The following CELF2 variants were observed in gnomAD, a reference collection of about 807,000 sequenced individuals.
The protein encoded by CELF2 is CUG triplet repeat RNA-binding protein 2.
CELF2 carries 8 observed loss-of-function variants against 62.6 expected under a neutral mutation model. The observed-to-expected ratio is 0.13, with a 90% CI of 0.07 to 0.23. The LOEUF is 0.23. Among genes scored for constraint, CELF2 ranks in the 10% least tolerant of loss-of-function variants. The probability of loss-of-function intolerance (pLI) is 1.00; values close to 1 mark genes in which losing one functional copy is unlikely to be tolerated. For missense variants in CELF2, 333 were observed against 671.0 expected (o/e 0.50, Z 5.56); for synonymous variants, 258 against 250.0 (o/e 1.03, Z -0.30).
chr10:10,681,572 A>G, the CELF2 span, among the ~76,000 whole-genome samples: 1 of 152,178 alleles, frequency 6.6e-6, no homozygotes. Context: ...TGAAATTTTA[A>G]TTTCATAAAA....
chr10:11,197,052 A>AGAAAGAGAGAAGGAAAGAGAGAAG lies in CELF2; in HGVS notation c.272-20367_272-20366insGAGAAGGAAAGAGAGAAGGAAAGA, dbSNP rs2058027960. The stretch of plus-strand genomic sequence containing the variant: ...AAGAAAGAAAGAAAGAAAGAAAGAA[A>AGAAAGAGAGAAGGAAAGAGAGAAG]GAAAGAAAAGAAAGAAAGGAAAGAA... On this transcript the variant is annotated intron_variant, in intron 2 of 12. Coordinates refer to ENST00000633077, the MANE Select transcript of CELF2 (RefSeq NM_001326342.2). 5.7e-4 allele frequency among the ~76,000 whole-genome samples: 18 copies of AGAAAGAGAGAAGGAAAGAGAGAAG among 31,688 alleles called. 1 individual carries two copies. Among genetic ancestry groups the AGAAAGAGAGAAGGAAAGAGAGAAG allele is most frequent in the African/African-American group, 2.2e-3 (17 of 7,830 alleles). 20.8% of individuals were successfully genotyped at this position (31,688 alleles called of 152,430 possible). A position where few individuals can be genotyped will look rare whatever the true frequency, so the allele number is the denominator to read the frequency against.
At chr10:10,489,260 A>G in the CELF2 span, among the ~76,000 whole-genome samples, 1 of 152,150 alleles carries the variant, frequency 6.6e-6, no homozygotes. Flanking sequence ...GATTTTTCTT[A>G]GAGAGTCCAG....
At chr10:10,932,170 G>A (rs544530081) in intron 2 of CELF2, among the ~76,000 whole-genome samples, 11 of 152,226 alleles carry the variant, frequency 7.2e-5, no homozygotes, top group East Asian at 1.9e-4. Flanking sequence ...TACAAGGTAC[G>A]ATGATCCCTG....
chr10:11,286,364 G>A (rs1347385818), intron 8 of CELF2, among the ~76,000 whole-genome samples: 2 of 152,234 alleles, frequency 1.3e-5, no homozygotes, highest in African/African-American at 2.4e-5. Flanking sequence ...GTTCTTGTGT[G>A]CTCAGCCATA....
At position 10,905,298 on chromosome 10, in the gene CELF2, A is replaced by G. The variant is rs189198619; in HGVS notation, c.54-14666A>G. On this transcript the variant is annotated intron_variant, in intron 1 of 13. Coordinates refer to the CELF2 transcript ENST00000636488. ...ATTGAGAGTATTTTTAGTAACAGCA[A>G]TTTTTCAGTATATTCGTATCTTTGT... 1.4e-3 allele frequency among the ~76,000 whole-genome samples: 219 copies of G among 152,322 alleles called. 1 individual carries two copies. The highest frequency in any genetic ancestry group is 2.7e-3 in the Non-Finnish European group (187 of 68,014).
intron 2 of CELF2, among the ~76,000 whole-genome samples, chr10:10,994,673 A>C (rs2053768033): frequency 6.6e-6 from 1 of 152,170 alleles, no homozygotes; most frequent in Non-Finnish European, 1.5e-5. Context: ...TGAGAGTCTA[A>C]TGCCTGATGA....
intron 1 of CELF2, among the ~76,000 whole-genome samples, chr10:11,045,728 G>A (rs191509928): frequency 5.6e-4 from 86 of 152,272 alleles, no homozygotes; most frequent in Admixed American, 8.5e-4. Context: ...TTTCCCCAGA[G>A]CTGTACATCA....
chr10:11,277,649 A>G (rs2086649211), intron 8 of CELF2, among the ~76,000 whole-genome samples: 1 of 152,288 alleles, frequency 6.6e-6, no homozygotes, highest in Non-Finnish European at 1.5e-5. Flanking sequence ...AGCAATATGT[A>G]TAAACCAAAG....
rs71378788 is a variant in CELF2 at position 11,285,826 on chromosome 10, GGTGTGTGT to G, written c.842-2547_842-2540del. Among the ~76,000 whole-genome samples, 10,289 of 128,608 alleles carry G rather than the reference GGTGTGTGT, an allele frequency of 0.08. 401 individuals carry two copies. Among genetic ancestry groups the G allele is most frequent in the Non-Finnish European group, 0.086 (5,295 of 61,436 alleles). 84.4% of individuals were successfully genotyped at this position (128,608 alleles called of 152,430 possible). On this transcript the variant is annotated intron_variant, in intron 8 of 12. Transcript: ENST00000633077. The surrounding 1 kb of genome is among the most constrained non-coding windows in gnomAD (Gnocchi z 4.3). ...TTGCTCATCACCTACTATATATATT[GGTGTGTGT>G]GTGTGTGTGTGTGTGTGTGTGTGTG...
intron 1 of CELF2, among the ~76,000 whole-genome samples, chr10:10,889,682 T>C (rs2061998915): frequency 6.6e-6 from 1 of 152,194 alleles, no homozygotes; most frequent in South Asian, 2.1e-4. Flanking sequence ...GGCACTGGTA[T>C]TAAGAACTTA....
At chr10:11,158,483 A>G (rs2065011369) in intron 1 of CELF2, among the ~76,000 whole-genome samples, 1 of 152,006 alleles carries the variant, frequency 6.6e-6, no homozygotes, top group Non-Finnish European at 1.5e-5. Context: ...CCTGAAGTCC[A>G]CTGAACTATT....
the CELF2 span, among the ~76,000 whole-genome samples, chr10:10,730,175 G>A: frequency 1.3e-5 from 2 of 151,992 alleles, no homozygotes; most frequent in African/African-American, 2.4e-5. Context: ...CCAACATTGG[G>A]AATAAAAAGT....
At chr10:10,641,467 T>C in the CELF2 span, among the ~76,000 whole-genome samples, 2 of 152,062 alleles carry the variant, frequency 1.3e-5, no homozygotes, top group Admixed American at 1.3e-4. Context: ...TGAGACAAAG[T>C]TTTGTTCTTC....
intron 1 of CELF2, among the ~76,000 whole-genome samples, chr10:11,068,672 T>C (rs2140885392): frequency 6.6e-6 from 1 of 152,204 alleles, no homozygotes; most frequent in South Asian, 2.1e-4. Context: ...GCCATTCTCC[T>C]GCCTCAGCCT....
At chr10:11,266,788 C>G in intron 6 of CELF2, 111 bp downstream of exon 6, 1 of 736,586 alleles carries the variant, frequency 1.4e-6, no homozygotes, top group South Asian at 2.1e-5. Flanking sequence ...TGTAAACTTT[C>G]ACCATCTCAG....
intron 1 of CELF2, among the ~76,000 whole-genome samples, chr10:11,080,968 A>G (rs1478472301): frequency 6.6e-6 from 1 of 152,196 alleles, no homozygotes; most frequent in Non-Finnish European, 1.5e-5. Flanking sequence ...GCCCAGTGAG[A>G]TGAATTAGTC....
intron 1 of CELF2, among the ~76,000 whole-genome samples, chr10:11,067,230 C>A (rs543787306): frequency 6.6e-6 from 1 of 152,060 alleles, no homozygotes; most frequent in African/African-American, 2.4e-5. Context: ...TGTAAGAGTA[C>A]GTAAATGTGT....
chr10:11,262,945 T>A (rs2081148744), intron 5 of CELF2, among the ~76,000 whole-genome samples: 1 of 88,374 alleles, frequency 1.1e-5, no homozygotes, highest in East Asian at 2.6e-4. Flanking sequence ...CTTTACTTTT[T>A]TTTTTTTTTT....
the CELF2 span, among the ~76,000 whole-genome samples, chr10:10,701,440 T>C: frequency 3.9e-5 from 6 of 152,218 alleles, no homozygotes. Context: ...TCCATCACTC[T>C]CTTATCACCC....
Sources: gnomAD v4.1 joint callset for allele counts (sites outside exome capture counted in the v4.1 genomes callset) on GRCh38, gnomAD v4.1.1 for gene constraint, Gnocchi (gnomAD v3.1) non-coding constraint, MANE v1.5 for transcripts, NCBI Gene and HGNC (gene_info 2026-07-23, HGNC 2026-07-21) for gene names.